Variants in DNAH6 observed in about 807,000 individuals in gnomAD.
DNAH6 encodes axonemal beta dynein heavy chain 6.
Under a neutral mutation model 491.4 loss-of-function variants are expected in DNAH6, and 340 were observed. The ratio of observed to expected loss-of-function variants is 0.69; its 90% CI spans 0.63 to 0.76. DNAH6 has a LOEUF of 0.76. Among genes scored for constraint, DNAH6 ranks in the 30% least tolerant of loss-of-function variants. The probability of loss-of-function intolerance (pLI) is 0.00; values close to 1 mark genes in which losing one functional copy is unlikely to be tolerated. For missense variants in DNAH6, 4,443 were observed against 4,972.2 expected (o/e 0.89, Z 3.20); for synonymous variants, 1,603 against 1,686.1 (o/e 0.95, Z 1.21).
chr2:84,626,006 A>G (rs1035584227), intron 29 of DNAH6, among the ~76,000 whole-genome samples: 12 of 152,346 alleles, frequency 7.9e-5, no homozygotes, highest in African/African-American at 2.6e-4. Flanking sequence ...AACTTAAACC[A>G]TATACACATC....
intron 61 of DNAH6, among the ~76,000 whole-genome samples, chr2:84,730,706 A>G (rs1478189940): frequency 6.6e-6 from 1 of 152,226 alleles, no homozygotes; most frequent in Non-Finnish European, 1.5e-5. Flanking sequence ...AATGCTAGGA[A>G]TCCAAAAAAT....
At chr2:84,557,655 T>TAAAAAAA (rs1680185846) in intron 10 of DNAH6, 80 bp from the exon 11 acceptor site, 2 of 89,306 alleles carry the variant, frequency 2.2e-5, no homozygotes, top group African/African-American at 3.0e-4. Flanking sequence ...AGACTCCGTC[T>TAAAAAAA]CAAAAAAAAA....
chr2:84,497,002 G>T, the DNAH6 span, among the ~76,000 whole-genome samples: 2 of 138,832 alleles, frequency 1.4e-5, no homozygotes, highest in African/African-American at 2.8e-5. Flanking sequence ...ACGGAATCTC[G>T]CTCTGTCACC....
At position 84,710,379 on chromosome 2, in the gene DNAH6, A is replaced by C. The variant is rs1696919144; in HGVS notation, c.9345A>C (p.Ser3115=). 6.4e-7 allele frequency: 1 copy of C among 1,551,892 alleles called. No homozygotes were observed. Among genetic ancestry groups the C allele is most frequent in the South Asian group, 1.2e-5 (1 of 84,042 alleles). ...ATTTCTTACGAATACTCGAGAATTCAATCCGACTTGGTTTACCTGTCTTAC... is the reference window on the plus strand; with the variant it reads ...ATTTCTTACGAATACTCGAGAATTCCATCCGACTTGGTTTACCTGTCTTAC... ...DSNFLRILEN[S]IRLGLPVLLE... The change falls in exon 56 of 77, where the codon TCA becomes TCC. Residue 3115 remains serine (S), a synonymous_variant. Transcript: ENST00000389394.
intron 70 of DNAH6, among the ~76,000 whole-genome samples, chr2:84,802,364 G>A (rs948706837): frequency 6.6e-6 from 1 of 152,114 alleles, no homozygotes; most frequent in Admixed American, 6.5e-5. Flanking sequence ...GGTGGAAAAA[G>A]ATCTATCATG....
the DNAH6 span, among the ~76,000 whole-genome samples, chr2:84,469,564 C>G: frequency 6.6e-6 from 1 of 152,256 alleles, no homozygotes; most frequent in Admixed American, 6.5e-5. This position sits in a 1 kb window ranked among gnomAD's most constrained non-coding sequence, Gnocchi z 4.0. Flanking sequence ...TAAAGTATTG[C>G]CTGTGGCAGC....
chr2:84,588,691 T>C, intron 15 of DNAH6, 135 bp from the exon 16 acceptor site: 1 of 891,560 alleles, frequency 1.1e-6, no homozygotes, highest in East Asian at 2.9e-5. Context: ...AAAACAATAA[T>C]TTTAAACATC....
chr2:84,715,666 T>G, intron 58 of DNAH6, 39 bp downstream of exon 58: 5 of 1,493,650 alleles, frequency 3.3e-6, no homozygotes, highest in Non-Finnish European at 3.7e-6. Flanking sequence ...AAGGGGGTAT[T>G]GTGGGTTTCC....
intron 10 of DNAH6, among the ~76,000 whole-genome samples, chr2:84,553,355 TTTTCTTTTCTTTTCTTTCTTTC>T (rs1238271218): frequency 1.2e-4 from 4 of 33,822 alleles, no homozygotes; most frequent in South Asian, 9.8e-4. Context: ...CTTTCTTTTC[TTTTCTTTTCTTTTCTTTCTTTC>T]TTTCTTTCTT....
At chr2:84,504,739 A>G in the DNAH6 span, among the ~76,000 whole-genome samples, 3 of 152,204 alleles carry the variant, frequency 2.0e-5, no homozygotes, top group East Asian at 3.8e-4. Context: ...TTATTACATT[A>G]CCACACTGTT....
upstream of DNAH6, among the ~76,000 whole-genome samples, chr2:84,511,539 G>A (rs780328718): frequency 6.6e-5 from 10 of 151,984 alleles, no homozygotes; most frequent in Non-Finnish European, 1.5e-4. Context: ...GCGATGCCTC[G>A]CCCTGCTTCG....
chr2:84,464,259 C>T, the DNAH6 span, among the ~76,000 whole-genome samples: 1 of 152,318 alleles, frequency 6.6e-6, no homozygotes, highest in Admixed American at 6.5e-5. Context: ...AACCTTTCAG[C>T]CTCCGTGGGC....
At chr2:84,737,089 A>G (rs1699590548) in intron 62 of DNAH6, among the ~76,000 whole-genome samples, 2 of 152,106 alleles carry the variant, frequency 1.3e-5, no homozygotes, top group South Asian at 2.1e-4. Context: ...AGGTGATCAT[A>G]TGGTTTTTGA....
At chr2:84,564,836 G>A (rs1681019773) in intron 11 of DNAH6, among the ~76,000 whole-genome samples, 2 of 152,002 alleles carry the variant, frequency 1.3e-5, no homozygotes, top group African/African-American at 4.8e-5. Context: ...TGTCATAGAT[G>A]GCTCTTATTA....
At chr2:84,737,713 C>T (rs1045089194) in intron 62 of DNAH6, among the ~76,000 whole-genome samples, 9 of 151,800 alleles carry the variant, frequency 5.9e-5, no homozygotes, top group East Asian at 1.9e-4. Context: ...TATGGATCTT[C>T]TGTATTTTTT....
At chr2:84,614,869 A>T (rs550644049) in intron 22 of DNAH6, among the ~76,000 whole-genome samples, 1 of 151,504 alleles carries the variant, frequency 6.6e-6, no homozygotes, top group South Asian at 2.1e-4. Flanking sequence ...TTTTGAAGGG[A>T]TTGTTTGTTT....
intron 36 of DNAH6, 66 bp from the exon 37 acceptor site, chr2:84,658,960 T>C: frequency 1.0e-6 from 1 of 999,466 alleles, no homozygotes; most frequent in Non-Finnish European, 1.4e-6. Flanking sequence ...CTTTACACTT[T>C]GCAGCTTAGG....
At position 84,784,529 on chromosome 2, in the gene DNAH6, G is replaced by A. The variant is rs59443066; in HGVS notation, c.10865-193G>A. 6.8e-3 allele frequency among the ~76,000 whole-genome samples: 1,030 copies of A among 152,126 alleles called. 13 individuals carry two copies. Among genetic ancestry groups the A allele is most frequent in the African/African-American group, 0.024 (997 of 41,488 alleles). On this transcript the variant is annotated intron_variant, in intron 65 of 76. Coordinates refer to ENST00000389394, the MANE Select transcript of DNAH6 (RefSeq NM_001370.2). The stretch of plus-strand genomic sequence containing the variant: ...TTCTAGACTGCCAAACCTTCCTAAC[G>A]TGAAGTTTCTAAAACAATGCATCTT...
chr2:84,715,676 C>T, intron 58 of DNAH6, 49 bp downstream of exon 58: 1 of 1,503,922 alleles, frequency 6.6e-7, no homozygotes. Context: ...TGTGGGTTTC[C>T]TAAATATTTT....
Sources: allele counts gnomAD v4.1 joint callset (sites outside exome capture counted in the v4.1 genomes callset), GRCh38; gene constraint gnomAD v4.1.1; non-coding constraint Gnocchi (gnomAD v3.1); transcripts MANE v1.5; gene names NCBI Gene and HGNC (gene_info 2026-07-23, HGNC 2026-07-21).